The following PITPNC1 variants were observed in gnomAD, a reference collection of about 807,000 sequenced individuals.
PITPNC1 encodes cytoplasmic phosphatidylinositol transfer protein 1.
PITPNC1 carries 18 observed loss-of-function variants against 44.7 expected under a neutral mutation model. The observed-to-expected ratio is 0.40, with a 90% CI of 0.28 to 0.60. The LOEUF is 0.60. Among genes scored for constraint, PITPNC1 ranks in the 20% least tolerant of loss-of-function variants. The pLI is 0.39. For synonymous variants in PITPNC1, 141 were observed against 149.6 expected, an observed-to-expected ratio of 0.94 and a Z score of 0.42; for missense variants, 290 against 418.4, an observed-to-expected ratio of 0.69 and a Z score of 2.68.
intron 1 of PITPNC1, among the ~76,000 whole-genome samples, chr17:67,413,761 G>A (rs973102128): frequency 3.3e-5 from 5 of 152,130 alleles, no homozygotes; most frequent in South Asian, 2.1e-4. Flanking sequence ...ATGTTGCTTC[G>A]CAGGCATGCA....
chr17:67,414,522 T>A (rs2038557087), intron 1 of PITPNC1, among the ~76,000 whole-genome samples: 1 of 152,110 alleles, frequency 6.6e-6, no homozygotes, highest in Admixed American at 6.6e-5. Flanking sequence ...GTCTGCAACC[T>A]GCATTCCAAG....
At chr17:67,657,317 A>G (rs1220703571) in intron 6 of PITPNC1, among the ~76,000 whole-genome samples, 4 of 152,112 alleles carry the variant, frequency 2.6e-5, no homozygotes, top group East Asian at 1.9e-4. Flanking sequence ...ATTATAGGCC[A>G]TGTTTGAGAT....
chr17:67,640,919 G>A (rs2042086343), intron 6 of PITPNC1, among the ~76,000 whole-genome samples: 2 of 152,088 alleles, frequency 1.3e-5, no homozygotes, highest in South Asian at 2.1e-4. Flanking sequence ...GAACCCGGAA[G>A]GCAAAGGTTG....
intron 6 of PITPNC1, among the ~76,000 whole-genome samples, chr17:67,661,691 A>G (rs755844380): frequency 5.3e-5 from 8 of 152,176 alleles, no homozygotes; most frequent in Non-Finnish European, 8.8e-5. Flanking sequence ...CGTGCTCAGG[A>G]TCATGACTCT....
chr17:67,467,329 C>T (rs1463625178), intron 1 of PITPNC1, among the ~76,000 whole-genome samples: 2 of 152,206 alleles, frequency 1.3e-5, no homozygotes, highest in Non-Finnish European at 2.9e-5. Context: ...GTTGGGATTA[C>T]AGGCATGAGC....
chr17:67,458,006 A>C (rs144209833), intron 1 of PITPNC1, among the ~76,000 whole-genome samples: 4 of 152,266 alleles, frequency 2.6e-5, no homozygotes, highest in Admixed American at 2.6e-4. Flanking sequence ...TGACAGGGGT[A>C]CCAGTGCTGG....
rs1045673450 is a variant in PITPNC1 at position 67,377,937 on chromosome 17, G to A, written c.-218G>A. On this transcript the variant is annotated 5_prime_UTR_variant, in exon 1 of 9. Coordinates refer to ENST00000581322, the MANE Select transcript of PITPNC1 (RefSeq NM_012417.4). ...TTCCGGGAGGACCGGCCTCGGCGAGGGAGGAGGCGGGGGAGCTGCGAACAC... is the reference window on the plus strand; with the variant it reads ...TTCCGGGAGGACCGGCCTCGGCGAGAGAGGAGGCGGGGGAGCTGCGAACAC... The A allele has an allele frequency of 1.3e-4, 54 of 408,182 alleles. No individual in the cohort carries two copies. In the Middle Eastern group the frequency reaches 1.9e-3, roughly 14 times the overall value. 25.3% of individuals were successfully genotyped at this position (408,182 alleles called of 1,614,324 possible).
rs78437183 is a variant in PITPNC1 at position 67,458,964 on chromosome 17, G to C, written c.49-73838G>C. Among the ~76,000 whole-genome samples, 936 of 152,190 alleles carry C rather than the reference G, an allele frequency of 6.2e-3. 7 individuals are homozygous for C. The highest frequency in any genetic ancestry group is 0.01 in the Non-Finnish European group (691 of 68,016). ...TTTGGGATATCCATTTTTCAGGGGAGAGGTTTTTTTCACTTAGAACCCAAG... is the reference window on the plus strand; with the variant it reads ...TTTGGGATATCCATTTTTCAGGGGACAGGTTTTTTTCACTTAGAACCCAAG... On this transcript the variant is annotated intron_variant, in intron 1 of 8. Coordinates refer to ENST00000581322, the MANE Select transcript of PITPNC1 (RefSeq NM_012417.4).
In PITPNC1 at chr17:67,693,286, A is replaced by T. The variant is rs2042961012; in HGVS notation, c.*398A>T. ...CTCTCATCAAATCTAAAATTCTCCA[A>T]AATACTCTCAGGCATAACATACTTA... is the stretch of plus-strand genomic sequence containing the variant. On this transcript the variant is annotated 3_prime_UTR_variant, in exon 9 of 9. Transcript: ENST00000581322. 1 of 162,388 alleles carries T rather than the reference A, an allele frequency of 6.2e-6. No homozygotes were observed. Among genetic ancestry groups the T allele is most frequent in the African/African-American group, 2.4e-5 (1 of 41,820 alleles). 10.1% of individuals were successfully genotyped at this position (162,388 alleles called of 1,614,324 possible). A position where few individuals can be genotyped will look rare whatever the true frequency, so the allele number is the denominator to read the frequency against.
chr17:67,467,255 T>C (rs981853768), intron 1 of PITPNC1, among the ~76,000 whole-genome samples: 1 of 151,954 alleles, frequency 6.6e-6, no homozygotes, highest in African/African-American at 2.4e-5. Context: ...GGTTTCACCA[T>C]GTTGGCCAGG....
intron 1 of PITPNC1, among the ~76,000 whole-genome samples, chr17:67,420,683 C>A (rs1418384234): frequency 6.6e-6 from 1 of 152,180 alleles, no homozygotes; most frequent in African/African-American, 2.4e-5. Context: ...CTGCCCGCCT[C>A]AGCCTCCCAA....
chr17:67,663,793 AAG>A (rs1163041785), intron 6 of PITPNC1, among the ~76,000 whole-genome samples: 2 of 152,112 alleles, frequency 1.3e-5, no homozygotes, highest in Non-Finnish European at 2.9e-5. Flanking sequence ...TTGCCATGGA[AAG>A]GGGCAGTAAC....
intron 1 of PITPNC1, among the ~76,000 whole-genome samples, chr17:67,380,805 G>C (rs865953962): frequency 1.6e-4 from 24 of 151,684 alleles, no homozygotes; most frequent in East Asian, 9.7e-4. Context: ...ACACGGTCTC[G>C]CTCTGTCATC....
At chr17:67,489,320 T>A (rs1162520120) in intron 1 of PITPNC1, among the ~76,000 whole-genome samples, 1 of 152,214 alleles carries the variant, frequency 6.6e-6, no homozygotes, top group Non-Finnish European at 1.5e-5. Flanking sequence ...ATCACCAGTG[T>A]AGACCTTCTC....
chr17:67,494,621 T>C (rs1169016254), intron 1 of PITPNC1, among the ~76,000 whole-genome samples: 1 of 152,170 alleles, frequency 6.6e-6, no homozygotes, highest in Non-Finnish European at 1.5e-5. Flanking sequence ...GTGACTGCTC[T>C]GATAGTACAG....
At chr17:67,609,786 C>CA (rs78629179) in intron 5 of PITPNC1, among the ~76,000 whole-genome samples, 3,069 of 113,854 alleles carry the variant, frequency 0.027, 88 homozygotes, top group African/African-American at 0.084. Context: ...GATCCAATTC[C>CA]AAAAAAAAAA....
At chr17:67,656,285 T>C (rs2042266879) in intron 6 of PITPNC1, among the ~76,000 whole-genome samples, 1 of 152,132 alleles carries the variant, frequency 6.6e-6, no homozygotes, top group Admixed American at 6.6e-5. Context: ...TAGGGGACCA[T>C]CCTTCCTTTC....
intron 1 of PITPNC1, among the ~76,000 whole-genome samples, chr17:67,522,983 T>C (rs2040347660): frequency 6.6e-6 from 1 of 152,046 alleles, no homozygotes; most frequent in Non-Finnish European, 1.5e-5. Flanking sequence ...TGTAACCAAT[T>C]TTAAGTGTAT....
intron 1 of PITPNC1, among the ~76,000 whole-genome samples, chr17:67,382,369 GTGTT>G (rs965448688): frequency 1.1e-4 from 17 of 149,446 alleles, no homozygotes; most frequent in African/African-American, 4.2e-4. Context: ...GTGTGTGTGT[GTGTT>G]TTAGACATTA....
Sources: gnomAD v4.1 joint callset for allele counts (sites outside exome capture counted in the v4.1 genomes callset) on GRCh38, gnomAD v4.1.1 for gene constraint, MANE v1.5 for transcripts, NCBI Gene and HGNC (gene_info 2026-07-23, HGNC 2026-07-21) for gene names.